Variants in CABLES1 observed in about 807,000 individuals in gnomAD.
CABLES1 encodes CDK5 and ABL1 enzyme substrate 1.
In CABLES1, 36 loss-of-function variants were observed where a neutral mutation model predicts 57.8. That is an observed-to-expected ratio of 0.62 (90% confidence interval 0.48 to 0.82). The LOEUF is 0.82. Ranked by LOEUF, CABLES1 falls within the 40% of genes least tolerant of loss-of-function variation. The probability of loss-of-function intolerance (pLI) is 0.00; values close to 1 mark genes in which losing one functional copy is unlikely to be tolerated. For missense variants in CABLES1, 767 were observed against 836.6 expected (o/e 0.92, Z 1.03); for synonymous variants, 374 against 363.0 (o/e 1.03, Z -0.35).
chr18:23,254,167 A>G (rs980752477), intron 9 of CABLES1, among the ~76,000 whole-genome samples: 12 of 152,206 alleles, frequency 7.9e-5, no homozygotes, highest in African/African-American at 2.9e-4. Flanking sequence ...CTGGCCCTCA[A>G]AGTCCATTCT....
chr18:23,183,245 C>CTTTCT (rs2047179844), intron 1 of CABLES1, among the ~76,000 whole-genome samples: 1 of 152,220 alleles, frequency 6.6e-6, no homozygotes, highest in Non-Finnish European at 1.5e-5. Context: ...CTTCTGTGTA[C>CTTTCT]TTTCTTTCCC....
chr18:23,192,781 G>A lies in CABLES1; in HGVS notation c.918-1667G>A, dbSNP rs1209663444. On this transcript the variant is annotated intron_variant, in intron 2 of 9. Transcript: ENST00000256925. Reference sequence around the variant, plus strand: ...GACAGGTGGGAACTTTGAGTGGCCTGCAGATTCGAGCAGTCATTCTGGAGG... The same window carrying A: ...GACAGGTGGGAACTTTGAGTGGCCTACAGATTCGAGCAGTCATTCTGGAGG... 2.6e-5 allele frequency among the ~76,000 whole-genome samples: 4 copies of A among 152,310 alleles called. No individual in the cohort carries two copies. In the East Asian group the frequency reaches 7.7e-4, roughly 29 times the overall value.
intron 1 of CABLES1, among the ~76,000 whole-genome samples, chr18:23,159,270 A>G (rs1263462651): frequency 6.6e-6 from 1 of 152,198 alleles, no homozygotes; most frequent in African/African-American, 2.4e-5. Context: ...CGGCCTGGTC[A>G]GGGTCTTAGA....
At position 23,255,357 on chromosome 18, in the gene CABLES1, G is replaced by C. The variant is rs2048136748; in HGVS notation, c.1761+1421G>C. On this transcript the variant is annotated intron_variant, in intron 9 of 9. Transcript: ENST00000256925. ...TTGTCTAGCTGTCTTCAGTGGCAAAGGCAAAAAAGCAGAAAGGGCACTAAG... is the reference window on the plus strand; with the variant it reads ...TTGTCTAGCTGTCTTCAGTGGCAAACGCAAAAAAGCAGAAAGGGCACTAAG... 2.6e-5 allele frequency among the ~76,000 whole-genome samples: 4 copies of C among 152,054 alleles called. No homozygotes were observed. In the South Asian group the frequency reaches 8.3e-4, roughly 32 times the overall value.
At chr18:23,239,020 C>T (rs1451017600) in intron 7 of CABLES1, among the ~76,000 whole-genome samples, 1 of 152,230 alleles carries the variant, frequency 6.6e-6, no homozygotes, top group Non-Finnish European at 1.5e-5. Context: ...GGTGATAATG[C>T]CGACCTCTCC....
chr18:23,225,018 C>G (rs962694635), intron 4 of CABLES1, among the ~76,000 whole-genome samples: 1 of 152,160 alleles, frequency 6.6e-6, no homozygotes, highest in African/African-American at 2.4e-5. Flanking sequence ...CAGGCATGCA[C>G]CACCACGCCC....
intron 7 of CABLES1, among the ~76,000 whole-genome samples, chr18:23,242,270 C>T (rs190052138): frequency 6.6e-6 from 1 of 152,190 alleles, no homozygotes; most frequent in East Asian, 1.9e-4. Context: ...GAGAATGAAA[C>T]TCTGTCTCAA....
At chr18:23,241,479 C>G (rs540191928) in intron 7 of CABLES1, among the ~76,000 whole-genome samples, 1 of 150,862 alleles carries the variant, frequency 6.6e-6, no homozygotes, top group East Asian at 1.9e-4. Flanking sequence ...TGCAGTGAGC[C>G]GAGATCACAC....
chr18:23,247,577 C>T (rs548493096), intron 7 of CABLES1, among the ~76,000 whole-genome samples: 5 of 152,328 alleles, frequency 3.3e-5, no homozygotes, highest in South Asian at 4.1e-4. Context: ...CTGCCGCTGT[C>T]GACATCAAGT....
intron 2 of CABLES1, among the ~76,000 whole-genome samples, chr18:23,193,637 C>T (rs965376686): frequency 2.0e-5 from 3 of 152,148 alleles, no homozygotes; most frequent in African/African-American, 7.2e-5. Context: ...CTAGAATAAA[C>T]TGAGACTCTT....
At position 23,136,363 on chromosome 18, in the gene CABLES1, G is replaced by T; in HGVS notation, c.601G>T (p.Gly201Trp). 1 of 1,515,928 alleles carries T rather than the reference G, an allele frequency of 6.6e-7. No homozygotes were observed. Among genetic ancestry groups the T allele is most frequent in the Non-Finnish European group, 8.8e-7 (1 of 1,133,368 alleles). 93.9% of individuals were successfully genotyped at this position (1,515,928 alleles called of 1,614,324 possible). Residue 201 changes from glycine to tryptophan, a missense_variant, in exon 1 of 10, where the codon GGG becomes TGG. By Grantham distance (184) the Gly-to-Trp change is radical. Around this residue, in one of 4 missense-constraint regions of CABLES1, gnomAD observed 529 missense variants for 622.8 expected, o/e 0.85. Coordinates refer to ENST00000256925, the MANE Select transcript of CABLES1 (RefSeq NM_001100619.3). ...CCAACTGCAGCTGCTCGACGGGTCC[G>T]GGGCCGCCGGGCAGGAGGAGTTGGA... Reference protein sequence around the residue: ...CAQLQLLDGSGAAGQEELEED... With the variant: ...CAQLQLLDGSWAAGQEELEED...
At chr18:23,204,925 T>C (rs1320161230) in intron 3 of CABLES1, among the ~76,000 whole-genome samples, 1 of 152,232 alleles carries the variant, frequency 6.6e-6, no homozygotes, top group Non-Finnish European at 1.5e-5. Flanking sequence ...TTATGGGAGC[T>C]ACAATTCAAG....
At chr18:23,151,930 G>A (rs1252750074) in intron 1 of CABLES1, among the ~76,000 whole-genome samples, 1 of 152,186 alleles carries the variant, frequency 6.6e-6, no homozygotes, top group East Asian at 1.9e-4. Flanking sequence ...CGAAGCGGGT[G>A]GAGAGAAGTG....
rs540436825 is a variant in CABLES1 at position 23,201,884 on chromosome 18, TGTGAGGGAG to T, written c.1010+7363_1010+7371del. On this transcript the variant is annotated intron_variant, in intron 3 of 9. Transcript: ENST00000256925. ...CAATGGGGAGACCTGACAGTGGAGG[TGTGAGGGAG>T]GTGAGGGAGGTGAGGGAGCCAGCCC... is the stretch of plus-strand genomic sequence containing the variant. 1.8e-3 allele frequency among the ~76,000 whole-genome samples: 270 copies of T among 150,908 alleles called. 2 individuals are homozygous for T. Among genetic ancestry groups the T allele is most frequent in the African/African-American group, 5.2e-3 (215 of 41,000 alleles).
At chr18:23,219,661 A>G (rs2047471667) in intron 4 of CABLES1, among the ~76,000 whole-genome samples, 1 of 152,204 alleles carries the variant, frequency 6.6e-6, no homozygotes, top group South Asian at 2.1e-4. Context: ...ATATGGGCCC[A>G]TCACTTAGCC....
chr18:23,243,872 CAAAAAAAA>C (rs34013091), intron 7 of CABLES1, among the ~76,000 whole-genome samples: 4 of 109,882 alleles, frequency 3.6e-5, no homozygotes, highest in African/African-American at 1.2e-4. Context: ...GACTCCGTTT[CAAAAAAAA>C]AAAAAAAAAA....
At chr18:23,219,183 G>A (rs2047467306) in intron 4 of CABLES1, 1 of 453,982 alleles carries the variant, frequency 2.2e-6, no homozygotes, top group African/African-American at 2.0e-5. Flanking sequence ...CCTGCCTTGG[G>A]TACACTGGTG....
chr18:23,171,752 A>C (rs1367150936), intron 1 of CABLES1, among the ~76,000 whole-genome samples: 1 of 152,080 alleles, frequency 6.6e-6, no homozygotes, highest in East Asian at 1.9e-4. Context: ...CTCACCCACG[A>C]CTTGCGTCCT....
intron 9 of CABLES1, among the ~76,000 whole-genome samples, chr18:23,255,791 C>A (rs1443164667): frequency 6.6e-6 from 1 of 152,020 alleles, no homozygotes. Context: ...GAACTCCTGG[C>A]CTCAAGCTAT....
Sources: allele counts gnomAD v4.1 joint callset (sites outside exome capture counted in the v4.1 genomes callset), GRCh38; gene constraint gnomAD v4.1.1; regional missense constraint gnomAD v4.1.1; transcripts MANE v1.5; gene names NCBI Gene and HGNC (gene_info 2026-07-23, HGNC 2026-07-21).